STIMATE: variants seen among roughly 807,000 people sequenced by gnomAD.
The protein encoded by STIMATE is STIM activating enhancer.
STIMATE carries 15 observed loss-of-function variants against 36.7 expected under a neutral mutation model. That is an observed-to-expected ratio of 0.41 (90% CI 0.27 to 0.63). The LOEUF (loss-of-function observed/expected upper bound fraction) is 0.63, where lower values mean the gene tolerates loss of function less well. Ranked by LOEUF, STIMATE falls within the 20% of genes least tolerant of loss-of-function variation. The pLI, the probability that STIMATE is intolerant of heterozygous loss-of-function variation, is 0.32. For synonymous variants in STIMATE, 163 were observed against 162.3 expected, an observed-to-expected ratio of 1.00 and a Z score of -0.03; for missense variants, 305 against 397.3, an observed-to-expected ratio of 0.77 and a Z score of 1.98.
At position 52,838,390 on chromosome 3, in the gene STIMATE, G is replaced by C. The variant is rs1700740443; in HGVS notation, c.*2104C>G. On this transcript the variant is annotated 3_prime_UTR_variant, in exon 8 of 8. Coordinates refer to ENST00000355083, the MANE Select transcript of STIMATE (RefSeq NM_198563.5). The stretch of plus-strand genomic sequence containing the variant: ...CAGGAAGGTGGAAGAAACAGCTGCA[G>C]GCACAGGTTGTTCAAACCAAAATGA... 6.6e-6 allele frequency: 1 copy of C among 152,246 alleles called. No homozygotes were observed. The highest frequency in any genetic ancestry group is 6.5e-5 in the Admixed American group (1 of 15,290). 9.4% of individuals were successfully genotyped at this position (152,246 alleles called of 1,614,324 possible).
intron 1 of STIMATE, among the ~76,000 whole-genome samples, chr3:52,864,176 AG>A (rs1162557984): frequency 2.0e-5 from 3 of 152,222 alleles, no homozygotes; most frequent in African/African-American, 7.2e-5. Context: ...TCTCCATGAG[AG>A]CCCCACCCCT....
intron 1 of STIMATE, among the ~76,000 whole-genome samples, chr3:52,859,045 C>T (rs1407304352): frequency 6.6e-6 from 1 of 151,652 alleles, no homozygotes; most frequent in African/African-American, 2.4e-5. Context: ...GCCTGTAATC[C>T]CAGCTATTTG....
intron 1 of STIMATE, among the ~76,000 whole-genome samples, chr3:52,878,769 A>G (rs1387516499): frequency 6.6e-6 from 1 of 152,200 alleles, no homozygotes; most frequent in African/African-American, 2.4e-5. Context: ...GAAGTCAAGG[A>G]CAAGTCCAAG....
intron 1 of STIMATE, among the ~76,000 whole-genome samples, chr3:52,856,097 A>G (rs1701088323): frequency 6.6e-6 from 1 of 152,206 alleles, no homozygotes; most frequent in Non-Finnish European, 1.5e-5. Context: ...TGGCAAATGG[A>G]TCAGGGAGGG....
intron 4 of STIMATE, chr3:52,847,094 G>T: frequency 2.1e-6 from 1 of 482,004 alleles, no homozygotes; most frequent in Non-Finnish European, 2.7e-6. Flanking sequence ...TTTTTTTGTA[G>T]AGACGGGATC....
chr3:52,866,205 C>T (rs560699844), intron 1 of STIMATE, among the ~76,000 whole-genome samples: 2 of 152,266 alleles, frequency 1.3e-5, no homozygotes, highest in African/African-American at 4.8e-5. Flanking sequence ...CACACTCCCA[C>T]TAATAGCACG....
At chr3:52,880,154 G>A (rs1701577637) in intron 1 of STIMATE, among the ~76,000 whole-genome samples, 1 of 152,164 alleles carries the variant, frequency 6.6e-6, no homozygotes, top group South Asian at 2.1e-4. Flanking sequence ...GATAAAAGGA[G>A]GCTTAGGGCC....
intron 2 of STIMATE, 148 bp from the exon 3 acceptor site, chr3:52,852,846 G>T: frequency 1.1e-6 from 1 of 918,662 alleles, no homozygotes; most frequent in Non-Finnish European, 1.6e-6. Context: ...CACTAACTCA[G>T]GCTTGGCATC....
intron 3 of STIMATE, among the ~76,000 whole-genome samples, chr3:52,851,298 A>G (rs960614451): frequency 2.6e-5 from 4 of 152,272 alleles, no homozygotes; most frequent in African/African-American, 9.6e-5. Context: ...CACTGGGTCC[A>G]GTACTGACCC....
rs553397831 is a variant in STIMATE at position 52,881,429 on chromosome 3, C to T, written c.160+15862G>A. Among the ~76,000 whole-genome samples the T allele has an allele frequency of 7.5e-4, 114 of 151,736 alleles. 1 individual carries two copies. The highest frequency in any genetic ancestry group is 2.7e-3 in the African/African-American group (110 of 41,380). ...TCTTCAAGAACTCAGGAGGGCTGGG[C>T]GCGGTGGCTTGACGCCTGTAATCCC... On this transcript the variant is annotated intron_variant, in intron 1 of 7. Coordinates refer to ENST00000355083, the MANE Select transcript of STIMATE (RefSeq NM_198563.5).
chr3:52,840,577 A>G lies in STIMATE; in HGVS notation c.802T>C (p.Ser268Pro), dbSNP rs1409927392. 1 of 1,612,426 alleles carries G rather than the reference A, an allele frequency of 6.2e-7. No homozygotes were observed. The highest frequency in any genetic ancestry group is 2.2e-5 in the East Asian group (1 of 44,768). Residue 268 changes from serine to proline, a missense_variant, in exon 8 of 8, where the codon TCC becomes CCC. Coordinates refer to ENST00000355083, the MANE Select transcript of STIMATE (RefSeq NM_198563.5). Reference protein sequence around the residue: ...LISADDEMEESDVEEDLRRLT... With the variant: ...LISADDEMEEPDVEEDLRRLT... ...CTGCGGAGGTCCTCCTCCACGTCGG[A>G]CTCCTCCATCTCATCATCCGCTGAG...
chr3:52,855,263 C>T (rs1701073044), intron 2 of STIMATE, 133 bp downstream of exon 2: 2 of 1,143,678 alleles, frequency 1.7e-6, no homozygotes, highest in East Asian at 2.6e-5. Context: ...TCAGGGATTC[C>T]ACATACATTA....
intron 4 of STIMATE, among the ~76,000 whole-genome samples, chr3:52,847,856 G>T (rs978778888): frequency 6.6e-6 from 1 of 152,208 alleles, no homozygotes; most frequent in Admixed American, 6.5e-5. Flanking sequence ...TAAAGTAGAA[G>T]GCTGCAGGAA....
At chr3:52,841,947 CAAGCACCTAGAG>C (rs1160373191) in intron 7 of STIMATE, among the ~76,000 whole-genome samples, 2 of 152,216 alleles carry the variant, frequency 1.3e-5, no homozygotes, top group African/African-American at 4.8e-5. Flanking sequence ...ATTCTAGAGA[CAAGCACCTAGAG>C]AAGACACGGC....
At chr3:52,868,386 T>C (rs1216031246) in intron 1 of STIMATE, among the ~76,000 whole-genome samples, 1 of 152,208 alleles carries the variant, frequency 6.6e-6, no homozygotes, top group East Asian at 1.9e-4. Context: ...TAAGGAGAAA[T>C]GGAGGTCCAG....
chr3:52,852,781 G>C (rs1701028482), intron 2 of STIMATE, 83 bp from the exon 3 acceptor site: 2 of 1,543,202 alleles, frequency 1.3e-6, no homozygotes. Flanking sequence ...ACTGAAACAG[G>C]AAGAAAGCCA....
chr3:52,847,880 G>C (rs926921570), intron 4 of STIMATE, among the ~76,000 whole-genome samples: 4 of 152,230 alleles, frequency 2.6e-5, no homozygotes, highest in African/African-American at 7.2e-5. Flanking sequence ...AGGGCAACTC[G>C]ATGTGGGATA....
At chr3:52,871,979 C>A (rs1701415969) in intron 1 of STIMATE, among the ~76,000 whole-genome samples, 1 of 152,110 alleles carries the variant, frequency 6.6e-6, no homozygotes, top group Admixed American at 6.6e-5. Flanking sequence ...CCTGCCCCTG[C>A]CCCTCTGGCT....
intron 3 of STIMATE, among the ~76,000 whole-genome samples, chr3:52,851,576 G>C (rs1470078855): frequency 6.6e-6 from 1 of 152,170 alleles, no homozygotes; most frequent in Non-Finnish European, 1.5e-5. Context: ...AATCACAAGG[G>C]GTCACTCTTA....
Sources: allele counts gnomAD v4.1 joint callset (sites outside exome capture counted in the v4.1 genomes callset), GRCh38; gene constraint gnomAD v4.1.1; transcripts MANE v1.5; gene names NCBI Gene and HGNC (gene_info 2026-07-23, HGNC 2026-07-21).